KNTC1: variants seen among roughly 807,000 people sequenced by gnomAD.
KNTC1 encodes the protein kinetochore-associated protein 1.
KNTC1 carries 253 observed loss-of-function variants against 314.4 expected under a neutral mutation model. The observed-to-expected ratio is 0.80, with a 90% CI of 0.73 to 0.89. The LOEUF is 0.89. Among genes scored for constraint, KNTC1 ranks in the 40% least tolerant of loss-of-function variants. KNTC1 has a pLI of 0.00. For synonymous variants in KNTC1, 901 were observed against 901.4 expected (o/e 1.00, Z 0.01); for missense variants, 2,475 against 2,572.9 (o/e 0.96, Z 0.82).
chr12:122,540,575 C>T (rs886609627), intron 5 of KNTC1, among the ~76,000 whole-genome samples: 1 of 151,876 alleles, frequency 6.6e-6, no homozygotes, highest in African/African-American at 2.4e-5. Flanking sequence ...ATATACTTTT[C>T]CTAAATATAA....
At chr12:122,572,575 A>G (rs948027797) in intron 24 of KNTC1, among the ~76,000 whole-genome samples, 2 of 152,114 alleles carry the variant, frequency 1.3e-5, no homozygotes, top group Non-Finnish European at 2.9e-5. Flanking sequence ...TTCTTTTTAT[A>G]TAATTTTAGG....
intron 42 of KNTC1, among the ~76,000 whole-genome samples, chr12:122,592,522 T>A (rs952932687): frequency 6.6e-6 from 1 of 152,192 alleles, no homozygotes; most frequent in African/African-American, 2.4e-5. Context: ...TCTTTATATC[T>A]AGCTCAGGGA....
At position 122,575,574 on chromosome 12, in the gene KNTC1, A is replaced by G; in HGVS notation, c.2414A>G (p.Tyr805Cys). The change falls in exon 28 of 64, where the codon TAT (tyrosine) becomes TGT (cysteine). Residue 805 changes from tyrosine (Y) to cysteine (C), a missense_variant. Coordinates refer to ENST00000333479, the MANE Select transcript of KNTC1 (RefSeq NM_014708.6). Reference protein sequence around the residue: ...LIFDAVLKIMYAAVVPWSAAV... With the variant: ...LIFDAVLKIMCAAVVPWSAAV... ...TTTGATGCCGTGCTCAAGATCATGT[A>G]TGCGGCAGTGGTTCCTTGGAGTGCA... 6.3e-7 allele frequency: 1 copy of G among 1,596,688 alleles called. No homozygotes were observed.
intron 48 of KNTC1, 29 bp downstream of exon 48, chr12:122,603,272 T>TAAA (rs370531688): frequency 1.8e-4 from 213 of 1,154,776 alleles, no homozygotes; most frequent in African/African-American, 1.6e-3. Flanking sequence ...AAATTGTAGT[T>TAAA]AAAAAAAAAA....
intron 51 of KNTC1, among the ~76,000 whole-genome samples, chr12:122,605,765 C>T (rs1300695970): frequency 2.0e-5 from 3 of 151,898 alleles, no homozygotes; most frequent in Admixed American, 6.6e-5. Flanking sequence ...AGACTAGCCT[C>T]GAACTCCTGA....
intron 16 of KNTC1, among the ~76,000 whole-genome samples, chr12:122,553,259 C>G (rs1283539946): frequency 1.3e-5 from 2 of 152,024 alleles, no homozygotes; most frequent in Admixed American, 1.3e-4. Context: ...TTGCTTTACT[C>G]TGGCTAAGCA....
chr12:122,560,956 G>A (rs1426798528), intron 18 of KNTC1, among the ~76,000 whole-genome samples: 1 of 152,138 alleles, frequency 6.6e-6, no homozygotes, highest in Non-Finnish European at 1.5e-5. Flanking sequence ...TGTAAGGTGG[G>A]AAGGTATGTT....
chr12:122,625,602 C>A (rs577681458), intron 63 of KNTC1, among the ~76,000 whole-genome samples: 7,843 of 148,442 alleles, frequency 0.053, 299 homozygotes, highest in Non-Finnish European at 0.082. Context: ...AAAAAAAAAA[C>A]AAAGGAAAAA....
intron 33 of KNTC1, among the ~76,000 whole-genome samples, chr12:122,580,918 C>T (rs1310681135): frequency 6.6e-6 from 1 of 151,820 alleles, no homozygotes; most frequent in African/African-American, 2.4e-5. Context: ...GTCCCAGCTA[C>T]TCGGGAGGCC....
At position 122,577,669 on chromosome 12, in the gene KNTC1, T is replaced by TA. The variant is rs1401921650; in HGVS notation, c.2722-2dup. 8 of 1,610,428 alleles carry TA rather than the reference T, an allele frequency of 5.0e-6. No individual in the cohort carries two copies. The highest frequency in any genetic ancestry group is 5.9e-6 in the Non-Finnish European group (7 of 1,178,384). On this transcript the variant is annotated splice_polypyrimidine_tract_variant and splice_region_variant and intron_variant, in intron 30 of 63. Coordinates refer to ENST00000333479, the MANE Select transcript of KNTC1 (RefSeq NM_014708.6). ...TTTTCTTCCTTTCAAACCCTGTTTA[T>TA]AGGGTGAAGACTGTCTCCTTCTGTT... is the stretch of plus-strand genomic sequence containing the variant.
chr12:122,567,271 T>C (rs776588868), intron 20 of KNTC1, among the ~76,000 whole-genome samples: 1 of 151,626 alleles, frequency 6.6e-6, no homozygotes, highest in Admixed American at 6.6e-5. Flanking sequence ...GGTTTCACCA[T>C]GTTGACTGGG....
chr12:122,574,783 A>G (rs1296486580), intron 27 of KNTC1, among the ~76,000 whole-genome samples: 2 of 152,182 alleles, frequency 1.3e-5, no homozygotes, highest in East Asian at 3.8e-4. Flanking sequence ...GGGAACCTCC[A>G]TGGACAGTTG....
chr12:122,584,848 A>C (rs750186820), intron 35 of KNTC1, 45 bp from the exon 36 acceptor site: 1 of 984,248 alleles, frequency 1.0e-6, no homozygotes, highest in Non-Finnish European at 1.6e-6. Context: ...ATTATCCTAA[A>C]GACATGAAAT....
At chr12:122,599,442 C>T (rs1239762606) in intron 44 of KNTC1, among the ~76,000 whole-genome samples, 1 of 151,712 alleles carries the variant, frequency 6.6e-6, no homozygotes, top group East Asian at 1.9e-4. Context: ...CTCGCTGTAG[C>T]CTCTGCCTCC....
chr12:122,551,758 G>T (rs1456735980), intron 16 of KNTC1, 62 bp downstream of exon 16: 1 of 1,159,122 alleles, frequency 8.6e-7, no homozygotes, highest in East Asian at 2.3e-5. Context: ...TAGAGGCTGA[G>T]AGGACAGACA....
intron 20 of KNTC1, among the ~76,000 whole-genome samples, chr12:122,567,152 C>T (rs760732874): frequency 6.6e-6 from 1 of 152,052 alleles, no homozygotes; most frequent in African/African-American, 2.4e-5. Flanking sequence ...CGGCTCACTG[C>T]AACCTCTGCC....
At chr12:122,575,321 C>G (rs1355730807) in intron 27 of KNTC1, among the ~76,000 whole-genome samples, 1 of 152,164 alleles carries the variant, frequency 6.6e-6, no homozygotes, top group Non-Finnish European at 1.5e-5. Flanking sequence ...CGCTGTATGT[C>G]TTAGCTTACA....
At position 122,604,591 on chromosome 12, in the gene KNTC1, T is replaced by G. The variant is rs779947040; in HGVS notation, c.5129T>G (p.Phe1710Cys). 5.7e-6 allele frequency: 9 copies of G among 1,581,210 alleles called. No homozygotes were observed. The highest frequency in any genetic ancestry group is 7.8e-6 in the Non-Finnish European group (9 of 1,151,748). The stretch of plus-strand genomic sequence containing the variant: ...TCCTTCAAGATATCTGCTTTGAAAT[T>G]CTGCCTTTATTTAGCTGAGAGATGG... ...EGSFKISALKFCLYLAERWLQ... is the reference protein window; with the variant it reads ...EGSFKISALKCCLYLAERWLQ... Residue 1710 changes from phenylalanine to cysteine, a missense_variant, in exon 49 of 64, where the codon TTC becomes TGC. Coordinates refer to ENST00000333479, the MANE Select transcript of KNTC1 (RefSeq NM_014708.6).
chr12:122,541,290 T>TGCC (rs1431837076), intron 5 of KNTC1, among the ~76,000 whole-genome samples: 3,120 of 138,188 alleles, frequency 0.023, 194 homozygotes, highest in African/African-American at 0.086. Flanking sequence ...CCTGCCTGCC[T>TGCC]TCCTTCCTTC....
Sources: gnomAD v4.1 joint callset for allele counts (sites outside exome capture counted in the v4.1 genomes callset) on GRCh38, gnomAD v4.1.1 for gene constraint, MANE v1.5 for transcripts, NCBI Gene and HGNC (gene_info 2026-07-23, HGNC 2026-07-21) for gene names.